CNTN2: variants seen among roughly 807,000 people sequenced by gnomAD.
CNTN2 encodes contactin 2.
CNTN2 carries 53 observed loss-of-function variants against 117.5 expected under a neutral mutation model. That is an observed-to-expected ratio of 0.45 (90% CI 0.36 to 0.57). The LOEUF (loss-of-function observed/expected upper bound fraction) is 0.57, where lower values mean the gene tolerates loss of function less well. Among genes scored for constraint, CNTN2 ranks in the 20% least tolerant of loss-of-function variants. CNTN2 has a pLI of 0.00. For synonymous variants in CNTN2, 530 were observed against 561.7 expected, an observed-to-expected ratio of 0.94 and a Z score of 0.80; for missense variants, 1,106 against 1,404.3, an observed-to-expected ratio of 0.79 and a Z score of 3.39.
intron 9 of CNTN2, chr1:205,062,216 A>C (rs1654026505): frequency 1.5e-5 from 12 of 816,008 alleles, no homozygotes; most frequent in Non-Finnish European, 1.9e-6. Flanking sequence ...CCACAAAAGA[A>C]GTGATGTGGT....
In CNTN2 at chr1:205,073,018, C is replaced by A; in HGVS notation, c.2845-50C>A. ...GTACCTAAAGCTGGGGATGACTCAA[C>A]GATCAGCCCTGGTGTCAGGAAACTC... is the stretch of plus-strand genomic sequence containing the variant. On this transcript the variant is annotated intron_variant, in intron 21 of 22. Transcript: ENST00000331830. This position sits in a 1 kb window ranked among gnomAD's most constrained non-coding sequence, Gnocchi z 6.3. 1 of 1,596,598 alleles carries A rather than the reference C, an allele frequency of 6.3e-7. No individual in the cohort carries two copies. Among genetic ancestry groups the A allele is most frequent in the Non-Finnish European group, 8.6e-7 (1 of 1,168,610 alleles).
In CNTN2 at chr1:205,053,231, G is replaced by A; in HGVS notation, c.46G>A (p.Ala16Thr). The stretch of plus-strand genomic sequence containing the variant: ...GAAGCCACACCTGCTGCTGGTAGCT[G>A]CTGTGGCCCTTGTCTCCTCTTCAGG... ...RRKPHLLLVA[A>T]VALVSSSAWS... Residue 16 changes from alanine to threonine, a missense_variant, in exon 2 of 23, where the codon GCT (alanine) becomes ACT (threonine). By Grantham distance (58) the Ala-to-Thr change is moderately conservative. Coordinates refer to ENST00000331830, the MANE Select transcript of CNTN2 (RefSeq NM_005076.5). 6.2e-7 allele frequency: 1 copy of A among 1,612,932 alleles called. No individual in the cohort carries two copies. The highest frequency in any genetic ancestry group is 8.5e-7 in the Non-Finnish European group (1 of 1,179,402).
Position 205,075,124 on chromosome 1 carries a change from C to T in CNTN2, c.*1359C>T, listed in dbSNP as rs1654793603. The T allele has an allele frequency of 7.8e-6, 3 of 387,012 alleles. No individual in the cohort carries two copies. The highest frequency in any genetic ancestry group is 2.9e-4 in the South Asian group (2 of 6,908). 24.0% of individuals were successfully genotyped at this position (387,012 alleles called of 1,614,324 possible). A position where few individuals can be genotyped will look rare whatever the true frequency, so the allele number is the denominator to read the frequency against. Reference sequence around the variant, plus strand: ...AAGAGATGGGGCTGGGTTAAGAACTCGAGTCTTCCACCTTTCTGTTCAAGG... The same window carrying T: ...AAGAGATGGGGCTGGGTTAAGAACTTGAGTCTTCCACCTTTCTGTTCAAGG... On this transcript the variant is annotated 3_prime_UTR_variant, in exon 23 of 23. Transcript: ENST00000331830.
intron 19 of CNTN2, among the ~76,000 whole-genome samples, chr1:205,071,574 T>G (rs946832895): frequency 6.6e-6 from 1 of 152,232 alleles, no homozygotes; most frequent in South Asian, 2.1e-4. Context: ...AGAAGCTTGC[T>G]TAGGGCCAGG....
intron 1 of CNTN2, among the ~76,000 whole-genome samples, chr1:205,050,278 A>AGTGTGTGTGTGT (rs3073631): frequency 1.3e-4 from 19 of 145,494 alleles, no homozygotes; most frequent in East Asian, 6.4e-4. Flanking sequence ...TAGAGCTCTG[A>AGTGTGTGTGTGT]GTGTGTGTGT....
In CNTN2 at chr1:205,065,344, C is replaced by A; in HGVS notation, c.1695+82C>A. ...CCCAAGATGTCCTTAGCCATCCTCA[C>A]CTTTAAGAAACCCATAGCCTAAGCG... On this transcript the variant is annotated intron_variant, in intron 13 of 22. Coordinates refer to ENST00000331830, the MANE Select transcript of CNTN2 (RefSeq NM_005076.5). The surrounding 1 kb of genome is among the most constrained non-coding windows in gnomAD (Gnocchi z 4.1). 2 of 1,473,860 alleles carry A rather than the reference C, an allele frequency of 1.4e-6. No individual in the cohort carries two copies. Among genetic ancestry groups the A allele is most frequent in the Middle Eastern group, 1.8e-4 (1 of 5,628 alleles). 91.3% of individuals were successfully genotyped at this position (1,473,860 alleles called of 1,614,324 possible).
intron 1 of CNTN2, among the ~76,000 whole-genome samples, chr1:205,049,977 A>G (rs1250727139): frequency 6.6e-6 from 1 of 151,974 alleles, no homozygotes; most frequent in African/African-American, 2.4e-5. Context: ...GCAGCTTGAA[A>G]ACCACTGCAG....
rs570935233 is a variant in CNTN2, at chr1:205,065,629, G to A, written c.1696-160G>A. 1.4e-5 allele frequency among the ~76,000 whole-genome samples: 2 copies of A among 142,936 alleles called. No individual in the cohort carries two copies. Among genetic ancestry groups the A allele is most frequent in the East Asian group, 3.9e-4 (2 of 5,122 alleles). 93.8% of individuals were successfully genotyped at this position (142,936 alleles called of 152,430 possible). A position where few individuals can be genotyped will look rare whatever the true frequency, so the allele number is the denominator to read the frequency against. On this transcript the variant is annotated intron_variant, in intron 13 of 22. Coordinates refer to ENST00000331830, the MANE Select transcript of CNTN2 (RefSeq NM_005076.5). This position sits in a 1 kb window ranked among gnomAD's most constrained non-coding sequence, Gnocchi z 4.1. ...CCCCAGTGGTTCTAAGTGATGAGTC[G>A]TGATTCCTCCCATTGAGCAGACAGG...
rs1186385180 is a variant in CNTN2 at position 205,058,307 on chromosome 1, C to T, written c.342C>T (p.Ser114=). The T allele has an allele frequency of 4.6e-6, 7 of 1,528,716 alleles. No individual in the cohort carries two copies. In the Admixed American group the frequency reaches 1.4e-4, roughly 32 times the overall value. The allele number at this position is 1,528,716 out of a possible 1,614,324, so 94.7% of individuals were successfully genotyped here. Reference sequence around the variant, plus strand: ...CCGGGGTCTACCAGTGCCTGGCCTCCAACCCAGTGGGCACCGTTGTCAGCA... The same window carrying T: ...CCGGGGTCTACCAGTGCCTGGCCTCTAACCCAGTGGGCACCGTTGTCAGCA... The part of the protein sequence containing the change: ...QDAGVYQCLA[S]NPVGTVVSRE... Residue 114 remains serine, a synonymous_variant, in exon 4 of 23, where the codon TCC becomes TCT. Coordinates refer to ENST00000331830, the MANE Select transcript of CNTN2 (RefSeq NM_005076.5). This position sits in a 1 kb window ranked among gnomAD's most constrained non-coding sequence, Gnocchi z 4.3.
At chr1:205,049,281 GACAC>G (rs3835569) in intron 1 of CNTN2, among the ~76,000 whole-genome samples, 8,378 of 120,440 alleles carry the variant, frequency 0.07, 541 homozygotes, top group African/African-American at 0.18. Context: ...CCTCACACCC[GACAC>G]ACACACACAC....
intron 14 of CNTN2, chr1:205,066,232 C>A (rs989473637): frequency 3.2e-6 from 2 of 632,808 alleles, no homozygotes; most frequent in Non-Finnish European, 5.4e-6. Context: ...TGAGCTCCCC[C>A]AGCCTTGAGA....
intron 1 of CNTN2, among the ~76,000 whole-genome samples, chr1:205,049,668 C>G (rs2096448888): frequency 2.0e-5 from 3 of 152,162 alleles, no homozygotes; most frequent in Admixed American, 2.0e-4. Flanking sequence ...GCACCCTGCC[C>G]CCAGTGAGCT....
At position 205,062,463 on chromosome 1, in the gene CNTN2, G is replaced by A. The variant is rs375277010; in HGVS notation, c.1134G>A (p.Gly378=). 6.2e-7 allele frequency: 1 copy of A among 1,613,930 alleles called. No individual in the cohort carries two copies. Among genetic ancestry groups the A allele is most frequent in the Non-Finnish European group, 8.5e-7 (1 of 1,179,898 alleles). Residue 378 remains glycine (G), a synonymous_variant, in exon 10 of 23, where the codon GGG becomes GGA. Transcript: ENST00000331830. ...AGAACCGGGTGGAGGTGTTGGCTGGGGACCTGCGGTTCTCCAAGCTGAGCC... is the reference window on the plus strand; with the variant it reads ...AGAACCGGGTGGAGGTGTTGGCTGGAGACCTGCGGTTCTCCAAGCTGAGCC... ...ASQNRVEVLA[G]DLRFSKLSLE...
rs552336614 is a variant in CNTN2, at chr1:205,075,740, A to G, written c.*1975A>G. The G allele has an allele frequency of 6.7e-6, 1 of 150,268 alleles. No individual in the cohort carries two copies. The highest frequency in any genetic ancestry group is 2.0e-4 in the East Asian group (1 of 5,068). 9.3% of individuals were successfully genotyped at this position (150,268 alleles called of 1,614,324 possible). On this transcript the variant is annotated 3_prime_UTR_variant, in exon 23 of 23. Transcript: ENST00000331830. ...CAGCTTTCCTGGAGCTGGCTAATGA[A>G]AGCCTCCTCACCTCTTCCCAACCCT...
Position 205,053,159 on chromosome 1 carries a change from A to C in CNTN2, c.-27A>C. On this transcript the variant is annotated 5_prime_UTR_variant, in exon 2 of 23. Transcript: ENST00000331830. ...GCTGAGCTGAGGCTCTTCTCCTCCG[A>C]TCCCCACCTCTGCCCGGACATCCAC... The C allele has an allele frequency of 6.2e-7, 1 of 1,601,084 alleles. No individual in the cohort carries two copies. The highest frequency in any genetic ancestry group is 8.5e-7 in the Non-Finnish European group (1 of 1,172,116).
Position 205,065,675 on chromosome 1 carries a change from T to A in CNTN2, c.1696-114T>A. The stretch of plus-strand genomic sequence containing the variant: ...ACAGGAAAACTGAGATCCAGTGGGG[T>A]CCATGGATGTCATGGAGTAGGGGAC... On this transcript the variant is annotated intron_variant, in intron 13 of 22. Coordinates refer to ENST00000331830, the MANE Select transcript of CNTN2 (RefSeq NM_005076.5). The surrounding 1 kb of genome is among the most constrained non-coding windows in gnomAD (Gnocchi z 4.1). The A allele has an allele frequency of 8.9e-7, 1 of 1,119,010 alleles. No homozygotes were observed. The highest frequency in any genetic ancestry group is 1.5e-5 in the African/African-American group (1 of 65,282). 69.3% of individuals were successfully genotyped at this position (1,119,010 alleles called of 1,614,324 possible). A position where few individuals can be genotyped will look rare whatever the true frequency, so the allele number is the denominator to read the frequency against.
chr1:205,070,628 C>A, intron 19 of CNTN2, 90 bp downstream of exon 19: 1 of 862,656 alleles, frequency 1.2e-6, no homozygotes. Context: ...ATCATTCCTC[C>A]TGGCGTCCCT....
chr1:205,070,685 G>A, intron 19 of CNTN2, 147 bp downstream of exon 19: 2 of 600,444 alleles, frequency 3.3e-6, no homozygotes, highest in Non-Finnish European at 6.0e-6. Context: ...GTAGCACTGT[G>A]AATGCAAATT....
intron 9 of CNTN2, 145 bp downstream of exon 9, chr1:205,062,146 GACT>G: frequency 9.6e-7 from 1 of 1,041,062 alleles, no homozygotes; most frequent in Non-Finnish European, 1.4e-6. Flanking sequence ...ACCACCTAAG[GACT>G]TCTTCCCATC....
Sources: gnomAD v4.1 joint callset for allele counts (sites outside exome capture counted in the v4.1 genomes callset) on GRCh38, gnomAD v4.1.1 for gene constraint, Gnocchi (gnomAD v3.1) non-coding constraint, MANE v1.5 for transcripts, NCBI Gene and HGNC (gene_info 2026-07-23, HGNC 2026-07-21) for gene names.